The following MAP3K20 variants were observed in gnomAD, a reference collection of about 807,000 sequenced individuals.
The protein encoded by MAP3K20 is HCCS-4.
A neutral mutation model predicts 85.7 loss-of-function variants in MAP3K20; 40 were observed. The observed-to-expected ratio is 0.47, with a 90% CI of 0.36 to 0.61. The LOEUF is 0.61. Among genes scored for constraint, MAP3K20 ranks in the 20% least tolerant of loss-of-function variants. MAP3K20 has a pLI of 0.00. For synonymous variants in MAP3K20, 325 were observed against 327.7 expected (o/e 0.99, Z 0.09); for missense variants, 817 against 961.7 (o/e 0.85, Z 1.99).
At chr2:173,225,436 A>G (rs1684356723) in intron 11 of MAP3K20, 2 of 330,644 alleles carry the variant, frequency 6.0e-6, no homozygotes, top group Non-Finnish European at 8.6e-6. Context: ...GCTACTAAAA[A>G]TACAAAAATT....
intron 2 of MAP3K20, among the ~76,000 whole-genome samples, chr2:173,101,859 A>AT (rs1687647680): frequency 6.6e-6 from 1 of 152,014 alleles, no homozygotes; most frequent in Non-Finnish European, 1.5e-5. Context: ...CATGTTATCA[A>AT]TTTTTTTTCA....
intron 11 of MAP3K20, chr2:173,226,977 T>TA: frequency 1.0e-6 from 1 of 985,786 alleles, no homozygotes; most frequent in Non-Finnish European, 1.2e-6. Context: ...TCTTGTGTGG[T>TA]AAGACTATTT....
intron 11 of MAP3K20, chr2:173,221,495 G>A: frequency 6.2e-7 from 1 of 1,602,964 alleles, no homozygotes; most frequent in Non-Finnish European, 8.5e-7. Flanking sequence ...TGATGACGGT[G>A]AGGAGGAGGA....
chr2:173,086,346 AG>A (rs919904496), intron 1 of MAP3K20, among the ~76,000 whole-genome samples: 13 of 152,176 alleles, frequency 8.5e-5, no homozygotes, highest in Non-Finnish European at 1.9e-4. Flanking sequence ...TGATTCTTAA[AG>A]GAGAGAAAAC....
At chr2:173,211,997 G>C (rs180948110) in intron 10 of MAP3K20, 3 of 152,166 alleles carry the variant, frequency 2.0e-5, no homozygotes, top group Admixed American at 6.5e-5. Context: ...AATCACGTTT[G>C]TTCATCACTC....
chr2:173,083,983 G>C (rs1047328214), intron 1 of MAP3K20, among the ~76,000 whole-genome samples: 2 of 152,158 alleles, frequency 1.3e-5, no homozygotes, highest in Admixed American at 1.3e-4. Context: ...AAAGAGGAAG[G>C]CTCTAAATTC....
intron 1 of MAP3K20, among the ~76,000 whole-genome samples, chr2:173,084,927 A>T (rs975233468): frequency 2.3e-4 from 35 of 152,166 alleles, no homozygotes; most frequent in African/African-American, 8.4e-4. Flanking sequence ...CTGCTCATAG[A>T]TCTCTCTAGT....
At chr2:173,109,692 T>C (rs1404075286) in intron 2 of MAP3K20, among the ~76,000 whole-genome samples, 1 of 151,602 alleles carries the variant, frequency 6.6e-6, no homozygotes, top group Non-Finnish European at 1.5e-5. Context: ...GAAAAGAGAG[T>C]GTATGGTGAC....
At chr2:173,174,485 G>C (rs1286177153) in intron 3 of MAP3K20, among the ~76,000 whole-genome samples, 3 of 152,150 alleles carry the variant, frequency 2.0e-5, no homozygotes, top group Non-Finnish European at 4.4e-5. Flanking sequence ...GTGTTAGTTT[G>C]CTGAGAATGA....
intron 10 of MAP3K20, chr2:173,214,182 T>TCTTTC (rs1683999804): frequency 7.4e-6 from 1 of 135,546 alleles, no homozygotes; most frequent in Non-Finnish European, 1.7e-5. Context: ...TAAACTGTGT[T>TCTTTC]CTTTCCTTTG....
rs767787172 is a variant in MAP3K20 at position 173,190,971 on chromosome 2, A to AT, written c.444+53dup. 15 of 1,608,622 alleles carry AT rather than the reference A, an allele frequency of 9.3e-6. No homozygotes were observed. The Middle Eastern group carries it at 5.0e-4, about 53-fold the overall frequency. On this transcript the variant is annotated intron_variant, in intron 6 of 19. Transcript: ENST00000375213. ...AAAAAATTGTTAATTTCAGATGTAG[A>AT]TTTTTGTAACTGATAATCCCTTAAT...
Position 173,134,408 on chromosome 2 carries a change from A to T in MAP3K20, c.160-35397A>T, listed in dbSNP as rs867917436. The stretch of plus-strand genomic sequence containing the variant: ...TGTCTCTATACATATATATATATAT[A>T]TATATATATATATATATATATTTTT... On this transcript the variant is annotated intron_variant, in intron 2 of 19. Transcript: ENST00000375213. 1.5e-3 allele frequency among the ~76,000 whole-genome samples: 9 copies of T among 6,050 alleles called. 1 individual carries two copies. Among genetic ancestry groups the T allele is most frequent in the Admixed American group, 8.8e-3 (6 of 682 alleles). The allele number at this position is 6,050 out of a possible 152,430, so 4.0% of individuals were successfully genotyped here.
intron 11 of MAP3K20, chr2:173,221,944 G>T: frequency 1.0e-6 from 1 of 986,668 alleles, no homozygotes; most frequent in Non-Finnish European, 1.2e-6. Flanking sequence ...TCTTTGACAC[G>T]TAGTAATTCT....
At chr2:173,212,046 G>GTAAA (rs1559281619) in intron 10 of MAP3K20, 1 of 152,134 alleles carries the variant, frequency 6.6e-6, no homozygotes, top group Non-Finnish European at 1.5e-5. Context: ...CATTTGCTCC[G>GTAAA]TAAATATTTG....
intron 3 of MAP3K20, among the ~76,000 whole-genome samples, chr2:173,182,629 T>G (rs1690363585): frequency 6.6e-6 from 1 of 152,234 alleles, no homozygotes; most frequent in South Asian, 2.1e-4. Flanking sequence ...TGGCTTTTGA[T>G]TCTCAACTGA....
chr2:173,156,463 T>C lies in MAP3K20; in HGVS notation c.160-13342T>C, dbSNP rs561152187. Among the ~76,000 whole-genome samples, 6 of 152,184 alleles carry C rather than the reference T, an allele frequency of 3.9e-5. 1 individual carries two copies. The South Asian group carries it at 1.2e-3, about 32-fold the overall frequency. On this transcript the variant is annotated intron_variant, in intron 2 of 19. Transcript: ENST00000375213. The stretch of plus-strand genomic sequence containing the variant: ...GGTCTAAGACAGCAGTCCCCAACCT[T>C]TTTGGCATCAGGGACTGGTTTTGTG...
At chr2:173,133,036 C>G (rs1338728941) in intron 2 of MAP3K20, among the ~76,000 whole-genome samples, 1 of 152,170 alleles carries the variant, frequency 6.6e-6, no homozygotes, top group East Asian at 1.9e-4. Flanking sequence ...CAATGTTTCT[C>G]TACTTAAGTT....
intron 11 of MAP3K20, chr2:173,226,687 C>T: frequency 1.0e-6 from 1 of 985,786 alleles, no homozygotes; most frequent in Non-Finnish European, 1.2e-6. Context: ...ACTAGAGTTC[C>T]AAGCACCTAC....
chr2:173,095,390 G>A (rs1271940880), intron 2 of MAP3K20, among the ~76,000 whole-genome samples: 5 of 146,722 alleles, frequency 3.4e-5, no homozygotes, highest in Non-Finnish European at 7.7e-5. Flanking sequence ...TTGGGTACTA[G>A]GATTGTTTAC....
Sources: allele counts gnomAD v4.1 joint callset (sites outside exome capture counted in the v4.1 genomes callset), GRCh38; gene constraint gnomAD v4.1.1; transcripts MANE v1.5; gene names NCBI Gene and HGNC (gene_info 2026-07-23, HGNC 2026-07-21).